FBXW11: variants seen among roughly 807,000 people sequenced by gnomAD.
FBXW11 encodes F-box/WD repeat-containing protein 11.
FBXW11 carries 19 observed loss-of-function variants against 77.6 expected under a neutral mutation model. That is an observed-to-expected ratio of 0.24 (90% CI 0.17 to 0.36). The LOEUF (loss-of-function observed/expected upper bound fraction) is 0.36. FBXW11 is among the 10% of genes least tolerant of loss of function. The pLI, the probability that FBXW11 is intolerant of heterozygous loss-of-function variation, is 1.00. For missense variants in FBXW11, 334 were observed against 704.2 expected, an observed-to-expected ratio of 0.47 and a Z score of 5.95; for synonymous variants, 235 against 249.4, an observed-to-expected ratio of 0.94 and a Z score of 0.54.
chr5:171,962,834 C>T (rs76073490), intron 1 of FBXW11, among the ~76,000 whole-genome samples: 1,909 of 152,184 alleles, frequency 0.013, 45 homozygotes, highest in African/African-American at 0.042. Context: ...AATCTCCTGC[C>T]CTGATTCCTT....
At chr5:171,923,552 T>A (rs1761712351) in intron 2 of FBXW11, among the ~76,000 whole-genome samples, 1 of 152,234 alleles carries the variant, frequency 6.6e-6, no homozygotes, top group Non-Finnish European at 1.5e-5. Context: ...TACTGATTTT[T>A]AAGTAAAGCA....
At chr5:171,967,883 T>TATATACACAC (rs1244744249) in intron 1 of FBXW11, among the ~76,000 whole-genome samples, 2 of 74,974 alleles carry the variant, frequency 2.7e-5, no homozygotes, top group African/African-American at 1.2e-4. Flanking sequence ...TATATATATA[T>TATATACACAC]ACACACACAC....
chr5:171,974,420 G>A (rs1764700964), intron 1 of FBXW11, among the ~76,000 whole-genome samples: 1 of 150,454 alleles, frequency 6.6e-6, no homozygotes, highest in Non-Finnish European at 1.5e-5. Flanking sequence ...GATGACAGGA[G>A]CGAAACTCCG....
At chr5:171,928,475 A>G (rs1762002462) in intron 2 of FBXW11, among the ~76,000 whole-genome samples, 1 of 152,246 alleles carries the variant, frequency 6.6e-6, no homozygotes, top group African/African-American at 2.4e-5. Context: ...CTGGACTTCA[A>G]TCAGCTTTGA....
intron 4 of FBXW11, among the ~76,000 whole-genome samples, chr5:171,907,378 T>C (rs1364985402): frequency 6.6e-6 from 1 of 152,120 alleles, no homozygotes; most frequent in East Asian, 1.9e-4. Flanking sequence ...ACAGTAAAAA[T>C]GAAACACCAA....
chr5:171,920,764 T>A (rs1761548803), intron 2 of FBXW11, among the ~76,000 whole-genome samples: 1 of 152,182 alleles, frequency 6.6e-6, no homozygotes, highest in Non-Finnish European at 1.5e-5. Context: ...GTGTGTTTTT[T>A]TAATATGATA....
At chr5:171,982,448 A>T (rs1561746993) in intron 1 of FBXW11, among the ~76,000 whole-genome samples, 1 of 152,052 alleles carries the variant, frequency 6.6e-6, no homozygotes, top group Non-Finnish European at 1.5e-5. Flanking sequence ...CTAATTTTGT[A>T]TTTTTAGTAG....
rs748324278 is a variant in FBXW11 at position 172,006,489 on chromosome 5, G to A, written c.14C>T (p.Ser5Leu). The A allele has an allele frequency of 5.1e-5, 78 of 1,536,274 alleles. No individual in the cohort carries two copies. The highest frequency in any genetic ancestry group is 8.0e-5 in the Admixed American group (4 of 49,900). The change falls in exon 1 of 14, where the codon TCG becomes TTG. Residue 5 changes from serine (S) to leucine (L), a missense_variant. By Grantham distance (145) the Ser-to-Leu change is moderately radical (BLOSUM62 -2). Around this residue, in one of 10 missense-constraint regions of FBXW11, gnomAD observed 80 missense variants for 105.1 expected, o/e 0.76. Transcript: ENST00000517395. MEPD[S>L]VIEDKTIELM... ...CTCGATGGTCTTGTCCTCAATCACCGAGTCGGGCTCCATGGCGGCCCCGGC... is the reference window on the plus strand; with the variant it reads ...CTCGATGGTCTTGTCCTCAATCACCAAGTCGGGCTCCATGGCGGCCCCGGC...
chr5:172,000,106 A>C (rs1405397215), intron 1 of FBXW11, among the ~76,000 whole-genome samples: 2 of 152,244 alleles, frequency 1.3e-5, no homozygotes, highest in African/African-American at 2.4e-5. Flanking sequence ...ACCAAGGGTA[A>C]CGAGCACATT....
intron 2 of FBXW11, among the ~76,000 whole-genome samples, chr5:171,919,299 T>C (rs966008800): frequency 2.0e-5 from 3 of 152,150 alleles, no homozygotes; most frequent in African/African-American, 7.2e-5. Context: ...GTAATTCTGA[T>C]CTATCTCTGC....
At chr5:171,960,102 G>C (rs1178707265) in intron 1 of FBXW11, among the ~76,000 whole-genome samples, 2 of 152,318 alleles carry the variant, frequency 1.3e-5, no homozygotes, top group East Asian at 3.9e-4. Context: ...CTAGCCAGGT[G>C]AGGTGGCTCA....
chr5:172,000,004 T>A (rs1766315938), intron 1 of FBXW11, among the ~76,000 whole-genome samples: 1 of 152,234 alleles, frequency 6.6e-6, no homozygotes, highest in African/African-American at 2.4e-5. Flanking sequence ...AGGTAAGAGA[T>A]ACCCTACTGG....
chr5:171,925,512 G>A (rs1300608899), intron 2 of FBXW11, among the ~76,000 whole-genome samples: 1 of 152,112 alleles, frequency 6.6e-6, no homozygotes, highest in Non-Finnish European at 1.5e-5. Context: ...ACAAAGTCTT[G>A]TCCTGTCACT....
chr5:171,971,922 T>C (rs1273577265), intron 1 of FBXW11, among the ~76,000 whole-genome samples: 1 of 151,708 alleles, frequency 6.6e-6, no homozygotes, highest in Non-Finnish European at 1.5e-5. Flanking sequence ...AAGTCGAGGC[T>C]GCAGTGAGCC....
chr5:171,970,731 C>T (rs528616406), intron 1 of FBXW11, among the ~76,000 whole-genome samples: 4 of 152,080 alleles, frequency 2.6e-5, no homozygotes, highest in Non-Finnish European at 5.9e-5. Flanking sequence ...GCATGAAAAG[C>T]GAGTTGTCAA....
At chr5:172,006,437 G>A (rs568340999) in intron 1 of FBXW11, 21 bp downstream of exon 1, 6 of 1,531,674 alleles carry the variant, frequency 3.9e-6, no homozygotes, top group East Asian at 5.3e-5. Context: ...AAGCACAGAC[G>A]GTCCAGCGGG....
At chr5:171,979,633 C>T (rs1035128829) in intron 1 of FBXW11, among the ~76,000 whole-genome samples, 22 of 151,980 alleles carry the variant, frequency 1.4e-4, no homozygotes, top group African/African-American at 5.1e-4. Context: ...GGGGGAAAAA[C>T]GAACTTTGAT....
At chr5:171,915,718 C>A (rs545316093) in intron 2 of FBXW11, among the ~76,000 whole-genome samples, 4 of 150,146 alleles carry the variant, frequency 2.7e-5, no homozygotes, top group African/African-American at 9.7e-5. Flanking sequence ...GGGATGGAGA[C>A]TGCCCTACAC....
chr5:171,996,758 C>T (rs758052558), intron 1 of FBXW11: 18 of 550,604 alleles, frequency 3.3e-5, no homozygotes, highest in Non-Finnish European at 5.0e-5. Context: ...CCAAACATGA[C>T]ACTACGCACA....
Sources: allele counts gnomAD v4.1 joint callset (sites outside exome capture counted in the v4.1 genomes callset), GRCh38; gene constraint gnomAD v4.1.1; regional missense constraint gnomAD v4.1.1; transcripts MANE v1.5; gene names NCBI Gene and HGNC (gene_info 2026-07-23, HGNC 2026-07-21).